MON2: variants seen among roughly 807,000 people sequenced by gnomAD.
The protein encoded by MON2 is MON2 regulator of endosome-to-Golgi trafficking, also known as protein MON2 homolog.
A neutral mutation model predicts 208.6 loss-of-function variants in MON2; 84 were observed. The observed-to-expected ratio is 0.40, with a 90% CI of 0.34 to 0.48. The LOEUF (loss-of-function observed/expected upper bound fraction) is 0.48, where lower values mean the gene tolerates loss of function less well. MON2 is among the 20% of genes least tolerant of loss of function. MON2 has a pLI of 0.59. For synonymous variants in MON2, 660 were observed against 694.0 expected, an observed-to-expected ratio of 0.95 and a Z score of 0.77; for missense variants, 1,611 against 2,015.4, an observed-to-expected ratio of 0.80 and a Z score of 3.84.
intron 4 of MON2, among the ~76,000 whole-genome samples, chr12:62,495,988 AAGT>A (rs543607070): frequency 1.7e-4 from 26 of 152,220 alleles, no homozygotes; most frequent in Non-Finnish European, 3.4e-4. Flanking sequence ...AAAGAACAGA[AAGT>A]AGAGAGTACC....
intron 32 of MON2, among the ~76,000 whole-genome samples, 184 bp from the exon 33 acceptor site, chr12:62,585,105 ACACAC>A (rs767780520): frequency 8.0e-4 from 44 of 55,034 alleles, no homozygotes; most frequent in African/African-American, 1.5e-3. Context: ...ACACACACAC[ACACAC>A]AAAACAAAAA....
intron 26 of MON2, among the ~76,000 whole-genome samples, chr12:62,562,041 T>TA (rs2074216758): frequency 1.3e-5 from 2 of 152,218 alleles, no homozygotes; most frequent in South Asian, 4.1e-4. Flanking sequence ...ATCTGGCATT[T>TA]AAAAAAATTC....
At chr12:62,467,386 A>C in intron 1 of MON2, 68 bp downstream of exon 1, 1 of 1,299,492 alleles carries the variant, frequency 7.7e-7, no homozygotes, top group Non-Finnish European at 1.1e-6. Context: ...TCAGTGCTTC[A>C]CCCCAGTTTC....
Position 62,597,354 on chromosome 12 carries a change from T to G in MON2, c.*4605T>G, listed in dbSNP as rs1008794429. ...TCTTCTCTTTCAGCTCTTTCTCTAATTGTGCCTATTCCTTGTTCATAAGAA... is the reference window on the plus strand; with the variant it reads ...TCTTCTCTTTCAGCTCTTTCTCTAAGTGTGCCTATTCCTTGTTCATAAGAA... On this transcript the variant is annotated 3_prime_UTR_variant, in exon 35 of 35. Coordinates refer to ENST00000393630, the MANE Select transcript of MON2 (RefSeq NM_015026.3). The G allele has an allele frequency of 6.6e-6, 1 of 152,200 alleles. No homozygotes were observed. The highest frequency in any genetic ancestry group is 1.5e-5 in the Non-Finnish European group (1 of 68,048). The allele number at this position is 152,200 out of a possible 1,614,324, so 9.4% of individuals were successfully genotyped here.
intron 7 of MON2, among the ~76,000 whole-genome samples, chr12:62,502,911 T>C (rs2070917804): frequency 6.6e-6 from 1 of 152,228 alleles, no homozygotes; most frequent in African/African-American, 2.4e-5. Context: ...GGCCAGGATG[T>C]GGAGCTGAAA....
In MON2 at chr12:62,534,533, A is replaced by T. The variant is rs1464611054; in HGVS notation, c.1634-312A>T. ...GACTCCATCGCAAAAAAAAAAAAAA[A>T]AAAAAAAAAATATATATATATATAT... On this transcript the variant is annotated intron_variant, in intron 12 of 34. Transcript: ENST00000393630. 8.3e-3 allele frequency among the ~76,000 whole-genome samples: 362 copies of T among 43,458 alleles called. 8 individuals carry two copies. Among genetic ancestry groups the T allele is most frequent in the African/African-American group, 0.046 (343 of 7,534 alleles). 28.5% of individuals were successfully genotyped at this position (43,458 alleles called of 152,430 possible). A position where few individuals can be genotyped will look rare whatever the true frequency, so the allele number is the denominator to read the frequency against.
chr12:62,497,175 G>A, intron 4 of MON2, among the ~76,000 whole-genome samples: 1 of 116,806 alleles, frequency 8.6e-6, no homozygotes. Flanking sequence ...GGGGAGGGGG[G>A]AGGGGGGAGG....
Position 62,470,469 on chromosome 12 carries a change from G to A in MON2, c.111+3151G>A, listed in dbSNP as rs143865416. ...CTCTTTTTTTCTATTTTTCTTAGTT[G>A]TTATACATAAATCTTCATGTTTTAG... On this transcript the variant is annotated intron_variant, in intron 1 of 34. Transcript: ENST00000393630. Among the ~76,000 whole-genome samples, 1,039 of 151,684 alleles carry A rather than the reference G, an allele frequency of 6.8e-3. 3 individuals carry two copies. Among genetic ancestry groups the A allele is most frequent in the Middle Eastern group, 0.017 (5 of 294 alleles).
Position 62,537,162 on chromosome 12 carries a change from C to T in MON2, c.1912C>T (p.Gln638Ter). ...ATLSNKSYSV[Q>*]GQSVMMISPS... ...CCTTTGTGTTCTAGCATATTCCGTT[C>T]AGGGCCAAAGTGTTATGATGATAAG... Residue 638 changes from glutamine (Q) to a stop codon, truncating the protein, a stop_gained, in exon 15 of 35, where the codon CAG becomes TAG. Transcript: ENST00000393630. LOFTEE classifies it high-confidence loss of function. 1.2e-6 allele frequency: 2 copies of T among 1,606,174 alleles called. No individual in the cohort carries two copies. Among genetic ancestry groups the T allele is most frequent in the Non-Finnish European group, 1.7e-6 (2 of 1,175,192 alleles).
At chr12:62,565,194 A>G (rs1357447586) in intron 26 of MON2, 43 bp from the exon 27 acceptor site, 1 of 1,579,616 alleles carries the variant, frequency 6.3e-7, no homozygotes, top group East Asian at 2.2e-5. Context: ...AACTTAATGG[A>G]GTTCAGATTA....
At chr12:62,496,207 T>C (rs2070478015) in intron 4 of MON2, among the ~76,000 whole-genome samples, 1 of 152,054 alleles carries the variant, frequency 6.6e-6, no homozygotes, top group Non-Finnish European at 1.5e-5. Context: ...AAATATTATA[T>C]ATATTTTTGT....
intron 32 of MON2, among the ~76,000 whole-genome samples, chr12:62,583,971 A>C (rs910584753): frequency 2.1e-4 from 31 of 148,894 alleles, no homozygotes; most frequent in South Asian, 1.5e-3. Flanking sequence ...AAAAAAAAAA[A>C]AAACAAAAAA....
At chr12:62,477,339 T>G (rs2069143923) in intron 1 of MON2, among the ~76,000 whole-genome samples, 1 of 152,200 alleles carries the variant, frequency 6.6e-6, no homozygotes, top group Non-Finnish European at 1.5e-5. Flanking sequence ...GCTTCCTTCG[T>G]TGGTAGGCTA....
At chr12:62,554,154 T>G (rs2073867045) in intron 24 of MON2, among the ~76,000 whole-genome samples, 1 of 152,254 alleles carries the variant, frequency 6.6e-6, no homozygotes, top group Non-Finnish European at 1.5e-5. Context: ...TAATTTTCCT[T>G]TCAAGCAACT....
At chr12:62,571,903 G>A (rs905282168) in intron 30 of MON2, among the ~76,000 whole-genome samples, 10 of 152,182 alleles carry the variant, frequency 6.6e-5, no homozygotes, top group African/African-American at 2.4e-4. Context: ...CATTGCAAGA[G>A]AAAAACAATG....
At chr12:62,552,631 C>A (rs2073800905) in intron 23 of MON2, among the ~76,000 whole-genome samples, 2 of 149,532 alleles carry the variant, frequency 1.3e-5, no homozygotes, top group South Asian at 2.1e-4. Context: ...ATGTTCTTGA[C>A]ATTTTTTATA....
At chr12:62,584,300 A>G (rs1202304958) in intron 32 of MON2, among the ~76,000 whole-genome samples, 1 of 152,140 alleles carries the variant, frequency 6.6e-6, no homozygotes, top group East Asian at 1.9e-4. Flanking sequence ...ACCATAATAT[A>G]TGACATTTTC....
intron 30 of MON2, among the ~76,000 whole-genome samples, chr12:62,573,686 T>A (rs995075981): frequency 7.2e-5 from 11 of 151,934 alleles, no homozygotes; most frequent in African/African-American, 2.7e-4. Flanking sequence ...TTGTTTTTGT[T>A]TTTCTTGAGA....
intron 8 of MON2, among the ~76,000 whole-genome samples, chr12:62,512,889 C>G (rs2071485309): frequency 6.6e-6 from 1 of 152,220 alleles, no homozygotes; most frequent in African/African-American, 2.4e-5. Flanking sequence ...CTTGACTTCT[C>G]TGCACTCGCA....
Sources: allele counts gnomAD v4.1 joint callset (sites outside exome capture counted in the v4.1 genomes callset), GRCh38; gene constraint gnomAD v4.1.1; transcripts MANE v1.5; gene names NCBI Gene and HGNC (gene_info 2026-07-23, HGNC 2026-07-21).